The following WDR27 variants were observed in gnomAD, a reference collection of about 807,000 sequenced individuals.
The protein encoded by WDR27 is WD repeat domain 27, also known as WD repeat-containing protein 27.
WDR27 carries 100 observed loss-of-function variants against 114.4 expected under a neutral mutation model. The observed-to-expected ratio is 0.87, with a 90% CI of 0.74 to 1.03. The LOEUF is 1.03. WDR27 is among the 50% of genes least tolerant of loss of function. The pLI is 0.00. For missense variants in WDR27, 1,129 were observed against 1,092.9 expected (o/e 1.03, Z -0.47); for synonymous variants, 449 against 423.1 (o/e 1.06, Z -0.75).
chr6:169,661,279 G>A (rs1826020683), intron 9 of WDR27, among the ~76,000 whole-genome samples: 1 of 152,242 alleles, frequency 6.6e-6, no homozygotes, highest in South Asian at 2.1e-4. Context: ...TAGCCTCCGA[G>A]TGACTAGACT....
intron 21 of WDR27, among the ~76,000 whole-genome samples, chr6:169,614,102 C>T (rs145408346): frequency 8.7e-4 from 132 of 152,300 alleles, no homozygotes; most frequent in African/African-American, 3.0e-3. Context: ...TGTGGGTGAA[C>T]TCCCACGGGG....
intron 25 of WDR27, among the ~76,000 whole-genome samples, chr6:169,463,420 C>T (rs984683881): frequency 6.6e-6 from 1 of 152,140 alleles, no homozygotes; most frequent in African/African-American, 2.4e-5. Context: ...ATATGAAAAA[C>T]CAACCACAGG....
intron 25 of WDR27, among the ~76,000 whole-genome samples, chr6:169,463,773 A>C (rs1785203271): frequency 1.3e-5 from 2 of 152,234 alleles, no homozygotes; most frequent in East Asian, 3.8e-4. Flanking sequence ...TAAAAAGGAA[A>C]TTATTAAAAC....
intron 18 of WDR27, among the ~76,000 whole-genome samples, chr6:169,638,265 G>A (rs1356136467): frequency 1.6e-5 from 2 of 122,108 alleles, no homozygotes; most frequent in African/African-American, 7.2e-5. Context: ...GCAGTGAGCC[G>A]AGATTGCGCC....
chr6:169,624,300 T>TGGCATCAGGTGTGC (rs1355555683), intron 21 of WDR27, among the ~76,000 whole-genome samples: 1 of 151,938 alleles, frequency 6.6e-6, no homozygotes, highest in African/African-American at 2.4e-5. Flanking sequence ...GTCAGGTGTG[T>TGGCATCAGGTGTGC]GGCATCAGGT....
At chr6:169,583,500 T>C (rs1199844507) in intron 23 of WDR27, among the ~76,000 whole-genome samples, 42 of 30,848 alleles carry the variant, frequency 1.4e-3, no homozygotes, top group African/African-American at 2.4e-3. Context: ...TATATATATA[T>C]ATATGTATAT....
intron 25 of WDR27, among the ~76,000 whole-genome samples, chr6:169,481,893 T>A (rs1054044373): frequency 2.0e-5 from 3 of 152,080 alleles, no homozygotes; most frequent in African/African-American, 7.2e-5. Flanking sequence ...ACTGTGAGGG[T>A]CCGCGGCTTC....
chr6:169,663,705 A>G (rs904265641), intron 8 of WDR27: 1 of 167,010 alleles, frequency 6.0e-6, no homozygotes, highest in East Asian at 1.9e-4. Flanking sequence ...TGCAGGTGGC[A>G]TCTGTGATGC....
At chr6:169,690,115 C>T (rs1228855780) in intron 1 of WDR27, among the ~76,000 whole-genome samples, 1 of 151,830 alleles carries the variant, frequency 6.6e-6, no homozygotes, top group African/African-American at 2.4e-5. Flanking sequence ...TCAGAGGATC[C>T]AACCATGAGG....
chr6:169,652,009 C>T lies in WDR27; in HGVS notation c.1403-1G>A. On this transcript the variant is annotated splice_acceptor_variant, in intron 13 of 25. Coordinates refer to ENST00000448612, the MANE Select transcript of WDR27 (RefSeq NM_182552.5). LOFTEE classifies it high-confidence loss of function. The stretch of plus-strand genomic sequence containing the variant: ...TGGTCCTTCATGACGTTCCGTGCAG[C>T]TGTGGAAAGGCAATTTTAAAGAAGA... The T allele has an allele frequency of 6.2e-7, 1 of 1,613,320 alleles. No individual in the cohort carries two copies. The highest frequency in any genetic ancestry group is 8.5e-7 in the Non-Finnish European group (1 of 1,179,722).
In WDR27 at chr6:169,601,143, G is replaced by C. The variant is rs147349302; in HGVS notation, c.2424+1076C>G. 9.6e-3 allele frequency among the ~76,000 whole-genome samples: 1,470 copies of C among 152,336 alleles called. 36 individuals carry two copies. The highest frequency in any genetic ancestry group is 0.034 in the African/African-American group (1,422 of 41,574). On this transcript the variant is annotated intron_variant, in intron 23 of 25. Coordinates refer to ENST00000448612, the MANE Select transcript of WDR27 (RefSeq NM_182552.5). ...GAGAAACTCTACAAGCCAGAAGAGAGTGGGGGCCAATATTCAACATTCTTA... is the reference window on the plus strand; with the variant it reads ...GAGAAACTCTACAAGCCAGAAGAGACTGGGGGCCAATATTCAACATTCTTA...
chr6:169,553,594 T>G (rs1798481343), intron 25 of WDR27, among the ~76,000 whole-genome samples: 1 of 152,164 alleles, frequency 6.6e-6, no homozygotes, highest in Admixed American at 6.5e-5. Context: ...GGGGTCAACC[T>G]CAAGCGCTTT....
intron 13 of WDR27, among the ~76,000 whole-genome samples, chr6:169,653,359 T>C (rs1823126729): frequency 6.6e-6 from 1 of 152,196 alleles, no homozygotes; most frequent in African/African-American, 2.4e-5. Flanking sequence ...TGCACAACAA[T>C]GTGAGGGTAT....
chr6:169,606,098 T>C (rs1201955585), intron 22 of WDR27, among the ~76,000 whole-genome samples: 1 of 152,090 alleles, frequency 6.6e-6, no homozygotes, highest in South Asian at 2.1e-4. Context: ...AAAATAAAAA[T>C]AGACAAATAT....
rs1811895708 is a variant in WDR27 at position 169,616,668 on chromosome 6, T to G, written c.2224-3012A>C. On this transcript the variant is annotated intron_variant, in intron 21 of 25. Coordinates refer to ENST00000448612, the MANE Select transcript of WDR27 (RefSeq NM_182552.5). ...ATCTGGGCAAACATGTACCAAATAGTCAGCAAAACCACATTTTTCTCACAC... is the reference window on the plus strand; with the variant it reads ...ATCTGGGCAAACATGTACCAAATAGGCAGCAAAACCACATTTTTCTCACAC... Among the ~76,000 whole-genome samples, 4 of 152,098 alleles carry G rather than the reference T, an allele frequency of 2.6e-5. No individual in the cohort carries two copies. The South Asian group carries it at 8.3e-4, about 32-fold the overall frequency.
At chr6:169,509,282 T>C (rs1792431773) in intron 25 of WDR27, among the ~76,000 whole-genome samples, 1 of 152,140 alleles carries the variant, frequency 6.6e-6, no homozygotes, top group African/African-American at 2.4e-5. Context: ...AAAACTATTT[T>C]AAAGTTCATA....
intron 1 of WDR27, among the ~76,000 whole-genome samples, chr6:169,690,716 T>C (rs1360191461): frequency 2.0e-5 from 3 of 152,226 alleles, no homozygotes; most frequent in Non-Finnish European, 2.9e-5. Context: ...TGTAGGGTGC[T>C]ACTCATCAGC....
intron 25 of WDR27, among the ~76,000 whole-genome samples, chr6:169,570,899 C>T (rs1044384969): frequency 3.3e-5 from 5 of 152,306 alleles, no homozygotes; most frequent in Admixed American, 2.0e-4. Context: ...AGGAGTCTCC[C>T]GTGGCGGCCA....
intron 23 of WDR27, among the ~76,000 whole-genome samples, chr6:169,586,548 A>G (rs1423729681): frequency 6.6e-6 from 1 of 152,054 alleles, no homozygotes; most frequent in East Asian, 1.9e-4. Flanking sequence ...GCATTGTCCA[A>G]TATCAAAAGA....
Sources: allele counts gnomAD v4.1 joint callset (sites outside exome capture counted in the v4.1 genomes callset), GRCh38; gene constraint gnomAD v4.1.1; transcripts MANE v1.5; gene names NCBI Gene and HGNC (gene_info 2026-07-23, HGNC 2026-07-21).